Variants in CSMD2 observed in about 807,000 individuals in gnomAD.
CSMD2 encodes the protein CUB and sushi domain-containing protein 2.
A neutral mutation model predicts 398.5 loss-of-function variants in CSMD2; 130 were observed. That is an observed-to-expected ratio of 0.33 (90% confidence interval 0.28 to 0.38). CSMD2 has a LOEUF of 0.38. CSMD2 is among the 10% of genes least tolerant of loss of function. The pLI is 1.00. For synonymous variants in CSMD2, 1,828 were observed against 1,908.5 expected (o/e 0.96, Z 1.10); for missense variants, 3,829 against 4,764.9 (o/e 0.80, Z 5.78).
intron 3 of CSMD2, among the ~76,000 whole-genome samples, chr1:33,979,416 G>A (rs148554931): frequency 4.0e-4 from 61 of 152,282 alleles, no homozygotes; most frequent in Admixed American, 3.8e-3. Context: ...CATCCAAAGC[G>A]TCGTCAACCT....
At chr1:33,719,235 T>C (rs1646275668) in intron 19 of CSMD2, among the ~76,000 whole-genome samples, 1 of 152,204 alleles carries the variant, frequency 6.6e-6, no homozygotes, top group Non-Finnish European at 1.5e-5. Context: ...CTATACAGCT[T>C]AGGAAATATA....
At chr1:33,951,484 G>T (rs1041458169) in intron 3 of CSMD2, among the ~76,000 whole-genome samples, 1 of 152,160 alleles carries the variant, frequency 6.6e-6, no homozygotes, top group African/African-American at 2.4e-5. Context: ...GACCTTTAAG[G>T]ATAGGCTCTG....
At chr1:33,725,237 AACACC>A in intron 17 of CSMD2, 107 bp downstream of exon 17, 1 of 870,934 alleles carries the variant, frequency 1.1e-6, no homozygotes, top group Non-Finnish European at 1.8e-6. Context: ...CCTAGCCAAG[AACACC>A]ATGGGGATGG....
intron 22 of CSMD2, among the ~76,000 whole-genome samples, chr1:33,707,335 G>A (rs1167019710): frequency 1.3e-5 from 2 of 152,200 alleles, no homozygotes; most frequent in Non-Finnish European, 2.9e-5. Flanking sequence ...GCATTGCCCA[G>A]CTTGCGTTAC....
rs957674853 is a variant in CSMD2 at position 33,960,271 on chromosome 1, G to A, written c.518-24317C>T. 4.6e-5 allele frequency among the ~76,000 whole-genome samples: 7 copies of A among 152,112 alleles called. 1 individual carries two copies. The highest frequency in any genetic ancestry group is 2.6e-4 in the Admixed American group (4 of 15,282). ...GTCTCGGCCTCAGACCACCTCCTCT[G>A]TGCTGGAAACTGTCTTTCATTTGTC... is the stretch of plus-strand genomic sequence containing the variant. On this transcript the variant is annotated intron_variant, in intron 3 of 70. Transcript: ENST00000373381.
chr1:33,685,616 C>G (rs1326683083), intron 25 of CSMD2, among the ~76,000 whole-genome samples: 1 of 152,192 alleles, frequency 6.6e-6, no homozygotes. Context: ...CACATGCACG[C>G]AGCTCCAGCC....
At chr1:34,106,739 A>C (rs998437564) in intron 1 of CSMD2, among the ~76,000 whole-genome samples, 2 of 152,152 alleles carry the variant, frequency 1.3e-5, no homozygotes, top group Admixed American at 6.5e-5. Context: ...GCATGCAACA[A>C]AGGCACAAAA....
At chr1:34,048,994 C>G (rs1652865564) in intron 2 of CSMD2, among the ~76,000 whole-genome samples, 2 of 152,126 alleles carry the variant, frequency 1.3e-5, no homozygotes, top group Admixed American at 1.3e-4. Flanking sequence ...TCTCCAGAAC[C>G]ATGGTTCCTT....
chr1:34,009,780 C>T (rs1410339080), intron 3 of CSMD2, among the ~76,000 whole-genome samples: 1 of 152,142 alleles, frequency 6.6e-6, no homozygotes, highest in Non-Finnish European at 1.5e-5. Flanking sequence ...CCTACCCCCA[C>T]TCCCCCACAT....
Position 33,646,711 on chromosome 1 carries a change from G to A in CSMD2, c.4711C>T (p.Leu1571Phe). Residue 1571 changes from leucine (L) to phenylalanine (F), a missense_variant, in exon 29 of 71, where the codon CTC (leucine) becomes TTC (phenylalanine). By Grantham distance (22) the Leu-to-Phe change is conservative. Around this residue, in one of 5 missense-constraint regions of CSMD2, gnomAD observed 2,001 missense variants for 2,567.1 expected, o/e 0.78. Coordinates refer to ENST00000373381, the MANE Select transcript of CSMD2 (RefSeq NM_001281956.2). The stretch of plus-strand genomic sequence containing the variant: ...GCATCGCTGCGGAAGGCGAGGAAGA[G>A]GCTGTTGCTGCTGCTTTCAATGCGG... ...PGRIESSSNS[L>F]FLAFRSDASV... 1 of 1,614,204 alleles carries A rather than the reference G, an allele frequency of 6.2e-7. No individual in the cohort carries two copies. Among genetic ancestry groups the A allele is most frequent in the Non-Finnish European group, 8.5e-7 (1 of 1,180,038 alleles).
intron 10 of CSMD2, among the ~76,000 whole-genome samples, chr1:33,803,034 G>C (rs1655796197): frequency 6.6e-6 from 1 of 152,114 alleles, no homozygotes; most frequent in Non-Finnish European, 1.5e-5. Context: ...TCACTGCAAA[G>C]TCTTCTTCCA....
chr1:33,546,410 T>C (rs948337547), intron 56 of CSMD2, among the ~76,000 whole-genome samples, 191 bp from the exon 57 acceptor site: 1 of 152,116 alleles, frequency 6.6e-6, no homozygotes, highest in Non-Finnish European at 1.5e-5. Context: ...TCTGAGGCCA[T>C]GGGTAAGTCC....
chr1:33,684,825 T>C (rs1645015962), intron 25 of CSMD2, among the ~76,000 whole-genome samples: 1 of 152,240 alleles, frequency 6.6e-6, no homozygotes, highest in Non-Finnish European at 1.5e-5. Flanking sequence ...AGAATTATGA[T>C]CTGTCCTCGC....
intron 27 of CSMD2, among the ~76,000 whole-genome samples, chr1:33,657,469 A>C (rs1035284825): frequency 2.0e-5 from 3 of 152,220 alleles, no homozygotes; most frequent in African/African-American, 4.8e-5. Context: ...GTGAGACTCT[A>C]TCTCTAAAAC....
intron 7 of CSMD2, among the ~76,000 whole-genome samples, chr1:33,824,896 C>T (rs919538300): frequency 6.6e-6 from 1 of 152,046 alleles, no homozygotes; most frequent in Non-Finnish European, 1.5e-5. Context: ...CCCTACCACT[C>T]GGCCCAGAAG....
At chr1:34,047,731 A>G (rs6692185) in intron 2 of CSMD2, among the ~76,000 whole-genome samples, 2,049 of 152,310 alleles carry the variant, frequency 0.013, 47 homozygotes, top group African/African-American at 0.047. Flanking sequence ...CTGATCTAAA[A>G]AGATAAATTG....
chr1:34,092,024 T>C (rs1658627570), intron 1 of CSMD2, among the ~76,000 whole-genome samples: 1 of 152,180 alleles, frequency 6.6e-6, no homozygotes, highest in Non-Finnish European at 1.5e-5. Flanking sequence ...GAAATTTTAA[T>C]AAACTAGCCA....
At chr1:34,151,605 T>G (rs1640326354) in intron 1 of CSMD2, among the ~76,000 whole-genome samples, 1 of 151,890 alleles carries the variant, frequency 6.6e-6, no homozygotes, top group Admixed American at 6.6e-5. Flanking sequence ...TGGAGGAGAT[T>G]GGCAGAGAAG....
At chr1:33,950,383 CAGAGAGAGAGAGAGAGAGAG>C (rs3045848) in intron 3 of CSMD2, among the ~76,000 whole-genome samples, 4 of 133,816 alleles carry the variant, frequency 3.0e-5, no homozygotes, top group African/African-American at 1.2e-4. Context: ...TCTCCTCCAG[CAGAGAGAGAGAGAGAGAGAG>C]AGAGAGAGAG....
Sources: gnomAD v4.1 joint callset for allele counts (sites outside exome capture counted in the v4.1 genomes callset) on GRCh38, gnomAD v4.1.1 for gene constraint, gnomAD v4.1.1 regional missense constraint, MANE v1.5 for transcripts, NCBI Gene and HGNC (gene_info 2026-07-23, HGNC 2026-07-21) for gene names.